The following TNN variants were observed in gnomAD, a reference collection of about 807,000 sequenced individuals.
TNN encodes tenascin N, also known as tenascin-N.
Under a neutral mutation model 134.4 loss-of-function variants are expected in TNN, and 122 were observed. The ratio of observed to expected loss-of-function variants is 0.91; its 90% CI spans 0.78 to 1.06. The LOEUF (loss-of-function observed/expected upper bound fraction) is 1.06, where lower values mean the gene tolerates loss of function less well. Ranked by LOEUF, TNN falls within the 50% of genes least tolerant of loss-of-function variation. The pLI is 0.00. For synonymous variants in TNN, 710 were observed against 670.3 expected, an observed-to-expected ratio of 1.06 and a Z score of -0.91; for missense variants, 1,739 against 1,699.4, an observed-to-expected ratio of 1.02 and a Z score of -0.41.
intron 15 of TNN, among the ~76,000 whole-genome samples, chr1:175,130,381 A>T (rs1045964066): frequency 1.1e-4 from 16 of 152,212 alleles, no homozygotes; most frequent in Non-Finnish European, 1.8e-4. Flanking sequence ...GCTGGGGGAA[A>T]TTCCCGATTG....
chr1:175,142,341 C>T (rs1675960212), intron 17 of TNN, among the ~76,000 whole-genome samples: 1 of 152,194 alleles, frequency 6.6e-6, no homozygotes, highest in Non-Finnish European at 1.5e-5. Flanking sequence ...ACATATGCTA[C>T]CAACTCTGCA....
chr1:175,072,926 C>CTTTTTTTTT (rs60879960), intron 1 of TNN, among the ~76,000 whole-genome samples: 490 of 46,772 alleles, frequency 0.01, no homozygotes, highest in East Asian at 0.012. Context: ...GAGTCCACGG[C>CTTTTTTTTT]TTTTTTTTTT....
chr1:175,127,390 C>A (rs1488966956), intron 13 of TNN, among the ~76,000 whole-genome samples: 2 of 152,102 alleles, frequency 1.3e-5, no homozygotes, highest in African/African-American at 4.8e-5. Flanking sequence ...AAGGGTTATA[C>A]CTCCCCTTAG....
rs745453117 is a variant in TNN, at chr1:175,128,650, T to A, written c.3234T>A (p.Asn1078Lys). ...SDCSQVQQNS[N>K]AASGLYTIYL... ...GCAGTCAGGTTCAGCAGAACAGCAA[T>A]GCCGCCAGTGGTCTGTACACCATCT... Residue 1078 changes from asparagine to lysine, a missense_variant, in exon 15 of 19, where the codon AAT (asparagine) becomes AAA (lysine). By Grantham distance (94) the Asn-to-Lys change is moderately conservative. Coordinates refer to ENST00000239462, the MANE Select transcript of TNN (RefSeq NM_022093.2). 152 of 1,613,902 alleles carry A rather than the reference T, an allele frequency of 9.4e-5. 1 individual carries two copies. Among genetic ancestry groups the A allele is most frequent in the Non-Finnish European group, 1.2e-4 (144 of 1,179,966 alleles).
chr1:175,080,460 G>C (rs147075673), intron 4 of TNN, 34 bp downstream of exon 4: 18,328 of 1,610,318 alleles, frequency 0.011, 122 homozygotes, highest in Non-Finnish European at 0.014. Flanking sequence ...AGGGTTCCCA[G>C]GAGAGGCCCC....
Position 175,116,982 on chromosome 1 carries a change from G to A in TNN, c.2163G>A (p.Glu721=), listed in dbSNP as rs1472209034. 1 of 1,614,096 alleles carries A rather than the reference G, an allele frequency of 6.2e-7. No homozygotes were observed. Among genetic ancestry groups the A allele is most frequent in the East Asian group, 2.2e-5 (1 of 44,898 alleles). Residue 721 remains glutamate, a synonymous_variant, in exon 10 of 19, where the codon GAG becomes GAA. Transcript: ENST00000239462. ...ACCTGGTGACCGACCGGGTGACAGA[G>A]AATATGGCCACTGTCTCCTGGGACC... ...PQNLVTDRVT[E]NMATVSWDPV...
Position 175,079,386 on chromosome 1 carries a change from T to G in TNN, c.463T>G (p.Cys155Gly). Reference sequence around the variant, plus strand: ...GACCTTCTCCCTGGAGACCTGCAGCTGCCACTGCGAAGAGGGCAGGGAGGG... The same window carrying G: ...GACCTTCTCCCTGGAGACCTGCAGCGGCCACTGCGAAGAGGGCAGGGAGGG... Reference protein sequence around the residue: ...HGTFSLETCSCHCEEGREGPA... With the variant: ...HGTFSLETCSGHCEEGREGPA... The change falls in exon 3 of 19, where the codon TGC becomes GGC. Residue 155 changes from cysteine to glycine, a missense_variant. By Grantham distance (159) the Cys-to-Gly change is radical. Transcript: ENST00000239462. 4 of 1,599,976 alleles carry G rather than the reference T, an allele frequency of 2.5e-6. No homozygotes were observed. Among genetic ancestry groups the G allele is most frequent in the Non-Finnish European group, 3.4e-6 (4 of 1,177,074 alleles).
chr1:175,132,688 G>C (rs925637840), intron 15 of TNN, among the ~76,000 whole-genome samples: 1 of 152,200 alleles, frequency 6.6e-6, no homozygotes. Flanking sequence ...GCTGGCTGAG[G>C]GTCAGCAATA....
chr1:175,068,344 T>G (rs531704703), intron 1 of TNN, among the ~76,000 whole-genome samples: 1 of 152,318 alleles, frequency 6.6e-6, no homozygotes, highest in South Asian at 2.1e-4. Flanking sequence ...TAATTTAGTA[T>G]TGTTGTATTT....
chr1:175,073,773 A>G (rs1673972948), intron 1 of TNN, among the ~76,000 whole-genome samples: 1 of 152,134 alleles, frequency 6.6e-6, no homozygotes, highest in South Asian at 2.1e-4. Flanking sequence ...TGCCCTTGTT[A>G]TGGTGAATGC....
rs900839503 is a variant in TNN, at chr1:175,123,482, C to G, written c.2733C>G (p.Thr911=). The change falls in exon 12 of 19, where the codon ACC becomes ACG. Residue 911 remains threonine (T), a synonymous_variant. Coordinates refer to ENST00000239462, the MANE Select transcript of TNN (RefSeq NM_022093.2). ...ATVSWDPVQA[T]IDKYMVRYTS... is the part of the protein sequence containing the mutation. ...TCTCCTGGGACCCGGTTCAGGCCACCATTGACAAGTACATGGTGCGCTACA... is the reference window on the plus strand; with the variant it reads ...TCTCCTGGGACCCGGTTCAGGCCACGATTGACAAGTACATGGTGCGCTACA... 6 of 1,614,228 alleles carry G rather than the reference C, an allele frequency of 3.7e-6. No homozygotes were observed. The East Asian group carries it at 1.3e-4, about 36-fold the overall frequency.
intron 1 of TNN, among the ~76,000 whole-genome samples, chr1:175,075,126 CTTCTTTTA>C (rs1380007786): frequency 6.6e-6 from 1 of 152,226 alleles, no homozygotes; most frequent in Non-Finnish European, 1.5e-5. Flanking sequence ...GATTCTTCTT[CTTCTTTTA>C]TTCTTCCAGG....
In TNN at chr1:175,147,462, C is replaced by T. The variant is rs1369625291; in HGVS notation, c.*391C>T. 1 of 158,290 alleles carries T rather than the reference C, an allele frequency of 6.3e-6. No homozygotes were observed. Among genetic ancestry groups the T allele is most frequent in the African/African-American group, 2.4e-5 (1 of 41,726 alleles). The allele number at this position is 158,290 out of a possible 1,614,324, so 9.8% of individuals were successfully genotyped here. ...CAAATCTTTTCTCTGGAAAGAAGCA[C>T]AGAGGAGGAGTTCTGATGACCCAGG... On this transcript the variant is annotated 3_prime_UTR_variant, in exon 19 of 19. Transcript: ENST00000239462.
chr1:175,119,897 C>T (rs1374532506), intron 11 of TNN, among the ~76,000 whole-genome samples: 1 of 152,168 alleles, frequency 6.6e-6, no homozygotes, highest in Non-Finnish European at 1.5e-5. Flanking sequence ...CATGGCCTCC[C>T]AAAGTGCTGG....
At chr1:175,075,384 G>A (rs1283050103) in intron 1 of TNN, among the ~76,000 whole-genome samples, 13 of 152,124 alleles carry the variant, frequency 8.5e-5, no homozygotes, top group Admixed American at 5.9e-4. Flanking sequence ...TGCAGCCTCC[G>A]CCTCCCGGGT....
chr1:175,113,044 T>C (rs1675075641), intron 9 of TNN, among the ~76,000 whole-genome samples: 1 of 152,226 alleles, frequency 6.6e-6, no homozygotes, highest in Non-Finnish European at 1.5e-5. Flanking sequence ...ATATCCTTTG[T>C]TAATTTCTTC....
At chr1:175,083,694 A>G (rs1674253338) in intron 4 of TNN, 56 bp from the exon 5 acceptor site, 2 of 1,554,472 alleles carry the variant, frequency 1.3e-6, no homozygotes, top group East Asian at 2.3e-5. Context: ...CTGTCACAGA[A>G]CCTTGGAACC....
chr1:175,135,997 A>G, intron 16 of TNN, 56 bp downstream of exon 16: 1 of 1,333,902 alleles, frequency 7.5e-7, no homozygotes, highest in Non-Finnish European at 1.1e-6. Flanking sequence ...CTCCCAGGAC[A>G]AGCTAGCTAG....
intron 17 of TNN, among the ~76,000 whole-genome samples, chr1:175,138,868 G>A (rs576279154): frequency 6.6e-6 from 1 of 152,322 alleles, no homozygotes; most frequent in Non-Finnish European, 1.5e-5. Context: ...GGTATATGGT[G>A]TAGCCTATTG....
Sources: allele counts gnomAD v4.1 joint callset (sites outside exome capture counted in the v4.1 genomes callset), GRCh38; gene constraint gnomAD v4.1.1; transcripts MANE v1.5; gene names NCBI Gene and HGNC (gene_info 2026-07-23, HGNC 2026-07-21).